GFOD1: variants seen among roughly 807,000 people sequenced by gnomAD.
GFOD1 encodes the protein Gfo/Idh/MocA-like oxidoreductase domain containing 1.
A neutral mutation model predicts 25.4 loss-of-function variants in GFOD1; 9 were observed. The observed-to-expected ratio is 0.35, with a 90% CI of 0.21 to 0.62. The LOEUF (loss-of-function observed/expected upper bound fraction) is 0.62, where lower values mean the gene tolerates loss of function less well. Among genes scored for constraint, GFOD1 ranks in the 20% least tolerant of loss-of-function variants. The pLI, the probability that GFOD1 is intolerant of heterozygous loss-of-function variation, is 0.72. For synonymous variants in GFOD1, 253 were observed against 245.6 expected (o/e 1.03, Z -0.28); for missense variants, 403 against 556.9 (o/e 0.72, Z 2.78).
intron 1 of GFOD1, among the ~76,000 whole-genome samples, chr6:13,456,721 T>C (rs1051202845): frequency 1.3e-5 from 2 of 152,122 alleles, no homozygotes; most frequent in Non-Finnish European, 2.9e-5. Flanking sequence ...GGCTGCACCA[T>C]ATAGAGTGGG....
At chr6:13,409,215 G>GAAAGAAAGAAAGAAAGAAGGAA (rs1562209633) in intron 1 of GFOD1, among the ~76,000 whole-genome samples, 1 of 34,106 alleles carries the variant, frequency 2.9e-5, no homozygotes, top group Admixed American at 6.6e-4. Flanking sequence ...AAGAAGGAAA[G>GAAAGAAAGAAAGAAAGAAGGAA]AGAGAGAGAG....
intron 1 of GFOD1, among the ~76,000 whole-genome samples, chr6:13,440,614 G>A (rs1281784497): frequency 2.0e-5 from 3 of 152,140 alleles, no homozygotes; most frequent in Admixed American, 6.5e-5. Flanking sequence ...CCAAGAGTTC[G>A]GACTTCCTCC....
intron 1 of GFOD1, chr6:13,470,095 G>T (rs771750576): frequency 7.1e-7 from 1 of 1,412,490 alleles, no homozygotes; most frequent in Non-Finnish European, 9.5e-7. Flanking sequence ...TGTTGAATTC[G>T]TTTGAAAAAC....
At chr6:13,385,273 G>C (rs1785445754) in intron 1 of GFOD1, among the ~76,000 whole-genome samples, 1 of 152,202 alleles carries the variant, frequency 6.6e-6, no homozygotes, top group African/African-American at 2.4e-5. Context: ...AGGACAGGCA[G>C]GAGAGATTCC....
intron 1 of GFOD1, among the ~76,000 whole-genome samples, chr6:13,414,965 T>C (rs1786139315): frequency 6.6e-6 from 1 of 152,174 alleles, no homozygotes; most frequent in African/African-American, 2.4e-5. Flanking sequence ...GGCCTGCTTT[T>C]CCTGCCAGGG....
rs1784964027 is a variant in GFOD1, at chr6:13,362,537, T to C, written c.*2206A>G. ...CATGGGCCTCTGTTCAAACTATTAT[T>C]GGGAGACTTCCATTCCAGCAAATCT... On this transcript the variant is annotated 3_prime_UTR_variant, in exon 2 of 2. Coordinates refer to ENST00000379287, the MANE Select transcript of GFOD1 (RefSeq NM_018988.4). 1 of 152,110 alleles carries C rather than the reference T, an allele frequency of 6.6e-6. No homozygotes were observed. The highest frequency in any genetic ancestry group is 1.9e-4 in the East Asian group (1 of 5,178). 9.4% of individuals were successfully genotyped at this position (152,110 alleles called of 1,614,324 possible). A position where few individuals can be genotyped will look rare whatever the true frequency, so the allele number is the denominator to read the frequency against.
intron 1 of GFOD1, among the ~76,000 whole-genome samples, chr6:13,480,357 T>C (rs1306145277): frequency 6.6e-6 from 1 of 152,180 alleles, no homozygotes; most frequent in Admixed American, 6.5e-5. Flanking sequence ...ACAGGTATTT[T>C]AGCACGGTTC....
intron 1 of GFOD1, among the ~76,000 whole-genome samples, chr6:13,445,962 G>A (rs559977117): frequency 2.0e-5 from 3 of 152,316 alleles, no homozygotes; most frequent in Non-Finnish European, 4.4e-5. Flanking sequence ...TGATCAGAAG[G>A]AGAGTGCTGG....
chr6:13,381,913 G>GCACA (rs1203909396), intron 1 of GFOD1, among the ~76,000 whole-genome samples: 1 of 104,526 alleles, frequency 9.6e-6, no homozygotes, highest in Non-Finnish European at 2.2e-5. Context: ...ACACGCGCGC[G>GCACA]CGCACACACA....
At chr6:13,414,399 C>T (rs1483476896) in intron 1 of GFOD1, among the ~76,000 whole-genome samples, 2 of 152,260 alleles carry the variant, frequency 1.3e-5, no homozygotes, top group Non-Finnish European at 2.9e-5. Flanking sequence ...ACCAACAGAA[C>T]AAAACTAGCC....
At chr6:13,470,709 G>T (rs994248756) in intron 1 of GFOD1, 2 of 1,437,324 alleles carry the variant, frequency 1.4e-6, no homozygotes, top group African/African-American at 2.9e-5. Context: ...TCATATTCAT[G>T]TGGGAGATAA....
chr6:13,406,340 G>T (rs371909623), intron 1 of GFOD1, among the ~76,000 whole-genome samples: 232 of 152,254 alleles, frequency 1.5e-3, no homozygotes, highest in African/African-American at 5.4e-3. Context: ...CATTACATAA[G>T]AGCTTTCTGT....
intron 1 of GFOD1, among the ~76,000 whole-genome samples, chr6:13,374,838 G>A (rs527406024): frequency 1.3e-5 from 2 of 150,256 alleles, no homozygotes; most frequent in Non-Finnish European, 3.0e-5. Flanking sequence ...TGCCTCCCGG[G>A]CTCAAGCAAT....
At chr6:13,485,919 G>A in intron 1 of GFOD1, 1 of 610,204 alleles carries the variant, frequency 1.6e-6, no homozygotes. Context: ...AAACCCCCTG[G>A]TTTTACCAAA....
intron 1 of GFOD1, among the ~76,000 whole-genome samples, chr6:13,471,741 A>C (rs1584672028): frequency 4.6e-5 from 7 of 152,338 alleles, no homozygotes; most frequent in Admixed American, 2.6e-4. Flanking sequence ...TTTGGATCTC[A>C]CATAAGTGAC....
At chr6:13,427,128 C>T (rs907455254) in intron 1 of GFOD1, among the ~76,000 whole-genome samples, 1 of 152,172 alleles carries the variant, frequency 6.6e-6, no homozygotes, top group Non-Finnish European at 1.5e-5. Context: ...TCACAATGCA[C>T]CTTTTTCAGT....
chr6:13,376,869 C>T lies in GFOD1; in HGVS notation c.254-11207G>A, dbSNP rs115574167. Among the ~76,000 whole-genome samples the T allele has an allele frequency of 8.0e-3, 1,216 of 152,268 alleles. 17 individuals are homozygous for T. The highest frequency in any genetic ancestry group is 0.028 in the African/African-American group (1,164 of 41,546). ...CCTTGTTGATTGCAAGTCAATACTTCAAGAGAAACACTATCCTCACTGTGT... is the reference window on the plus strand; with the variant it reads ...CCTTGTTGATTGCAAGTCAATACTTTAAGAGAAACACTATCCTCACTGTGT... On this transcript the variant is annotated intron_variant, in intron 1 of 1. Transcript: ENST00000379287.
At chr6:13,406,049 C>T (rs887087293) in intron 1 of GFOD1, among the ~76,000 whole-genome samples, 7 of 152,248 alleles carry the variant, frequency 4.6e-5, no homozygotes, top group African/African-American at 1.2e-4. Flanking sequence ...ACAGGCCTCC[C>T]GCCTCTGCTA....
intron 1 of GFOD1, among the ~76,000 whole-genome samples, chr6:13,459,539 G>A (rs541830568): frequency 6.6e-6 from 1 of 151,956 alleles, no homozygotes; most frequent in African/African-American, 2.4e-5. Flanking sequence ...CTTCTACACA[G>A]CAAAAGAAAC....
Sources: allele counts gnomAD v4.1 joint callset (sites outside exome capture counted in the v4.1 genomes callset), GRCh38; gene constraint gnomAD v4.1.1; transcripts MANE v1.5; gene names NCBI Gene and HGNC (gene_info 2026-07-23, HGNC 2026-07-21).